PEBP4: variants seen among roughly 807,000 people sequenced by gnomAD.
PEBP4 encodes the protein phosphatidylethanolamine-binding protein 4.
A neutral mutation model predicts 23.9 loss-of-function variants in PEBP4; 22 were observed. That is an observed-to-expected ratio of 0.92 (90% CI 0.66 to 1.31). The LOEUF is 1.31. Among genes scored for constraint, PEBP4 ranks in the 40% most tolerant of loss-of-function variants. PEBP4 has a pLI of 0.00. For missense variants in PEBP4, 324 were observed against 281.7 expected (o/e 1.15, Z -1.07); for synonymous variants, 112 against 99.3 (o/e 1.13, Z -0.76).
chr8:22,720,516 C>T (rs925619528), intron 6 of PEBP4, among the ~76,000 whole-genome samples: 1 of 152,226 alleles, frequency 6.6e-6, no homozygotes, highest in Non-Finnish European at 1.5e-5. Context: ...CAAATGAAAT[C>T]TGCCTGGAAG....
intron 4 of PEBP4, among the ~76,000 whole-genome samples, chr8:22,754,019 G>T (rs1223379626): frequency 6.6e-6 from 1 of 152,190 alleles, no homozygotes; most frequent in African/African-American, 2.4e-5. Flanking sequence ...CTATAGAGCA[G>T]GAACGAGGGT....
intron 4 of PEBP4, among the ~76,000 whole-genome samples, chr8:22,728,294 TCTC>T (rs777723030): frequency 1.1e-4 from 16 of 152,110 alleles, no homozygotes; most frequent in Admixed American, 3.3e-4. Context: ...ACCCACCAGA[TCTC>T]CTACCTTTTA....
At chr8:22,773,432 G>C (rs527984616) in intron 4 of PEBP4, among the ~76,000 whole-genome samples, 15 of 152,292 alleles carry the variant, frequency 9.8e-5, no homozygotes, top group Non-Finnish European at 2.2e-4. Flanking sequence ...AGAAAGGCGG[G>C]GAGGGAGGCA....
intron 4 of PEBP4, among the ~76,000 whole-genome samples, chr8:22,749,293 CT>C (rs1805195108): frequency 6.6e-6 from 1 of 152,204 alleles, no homozygotes; most frequent in Admixed American, 6.5e-5. Flanking sequence ...GGCCTGGTTA[CT>C]TGGTGCTTCC....
At chr8:22,793,801 C>T (rs899976363) in intron 4 of PEBP4, among the ~76,000 whole-genome samples, 1 of 152,072 alleles carries the variant, frequency 6.6e-6, no homozygotes, top group Non-Finnish European at 1.5e-5. Context: ...ATTTAGTGTA[C>T]ATTTCTAGAA....
At position 22,927,707 on chromosome 8, in the gene PEBP4, C is replaced by T. The variant is rs1249532580; in HGVS notation, c.8G>A (p.Trp3Ter). 7 of 1,613,542 alleles carry T rather than the reference C, an allele frequency of 4.3e-6. No individual in the cohort carries two copies. The East Asian group carries it at 1.3e-4, about 31-fold the overall frequency. Residue 3 changes from tryptophan (W) to a stop codon, truncating the protein, a stop_gained, in exon 2 of 7, where the codon TGG becomes TAG. Coordinates refer to ENST00000256404, the MANE Select transcript of PEBP4 (RefSeq NM_144962.3). LOFTEE classifies it high-confidence loss of function. MG[W>*]TMRLVTAALL... ...TGCTGCTGTGACCAGCCTCATTGTC[C>T]AACCCATGGGCACCTGGAACAGAAA...
In PEBP4 at chr8:22,730,706, G is replaced by C. The variant is rs1341349509; in HGVS notation, c.358-3486C>G. On this transcript the variant is annotated intron_variant, in intron 4 of 6. Transcript: ENST00000256404. ...GGCTAGGAAAGTGCCCTGGGAGGAG[G>C]GGGTACCAGCCCAGCATTTGAGGAA... Among the ~76,000 whole-genome samples, 11 of 152,296 alleles carry C rather than the reference G, an allele frequency of 7.2e-5. 1 individual carries two copies. In the South Asian group the frequency reaches 2.3e-3, roughly 32 times the overall value.
At chr8:22,906,910 A>G (rs1808828471) in intron 3 of PEBP4, among the ~76,000 whole-genome samples, 1 of 152,196 alleles carries the variant, frequency 6.6e-6, no homozygotes, top group Non-Finnish European at 1.5e-5. Flanking sequence ...AGAAAAAATG[A>G]TATGTAAGTT....
At chr8:22,756,014 C>T (rs1025396870) in intron 4 of PEBP4, 13 of 152,184 alleles carry the variant, frequency 8.5e-5, no homozygotes, top group African/African-American at 2.7e-4. Flanking sequence ...TAAAGGTGCT[C>T]GCTAAATACT....
intron 4 of PEBP4, among the ~76,000 whole-genome samples, chr8:22,758,881 A>C (rs923138120): frequency 1.1e-4 from 17 of 152,246 alleles, no homozygotes; most frequent in Admixed American, 2.0e-4. Context: ...AGAGGCCCCC[A>C]GGCTGGGGTT....
At chr8:22,807,190 G>A (rs1806513792) in intron 4 of PEBP4, among the ~76,000 whole-genome samples, 1 of 152,190 alleles carries the variant, frequency 6.6e-6, no homozygotes, top group Admixed American at 6.5e-5. Flanking sequence ...TTAAAGCAAT[G>A]GCATGTTTGT....
chr8:22,722,217 G>GCTCC (rs1804533462), intron 6 of PEBP4, among the ~76,000 whole-genome samples: 1 of 151,512 alleles, frequency 6.6e-6, no homozygotes, highest in Non-Finnish European at 1.5e-5. Context: ...CCAACCCAGA[G>GCTCC]CTCCCTCTTC....
At chr8:22,800,828 G>A (rs1806365962) in intron 4 of PEBP4, among the ~76,000 whole-genome samples, 1 of 152,120 alleles carries the variant, frequency 6.6e-6, no homozygotes, top group Non-Finnish European at 1.5e-5. Flanking sequence ...AGATACTGTG[G>A]GAGAATGCCA....
intron 4 of PEBP4, among the ~76,000 whole-genome samples, chr8:22,733,690 G>T (rs996602359): frequency 6.6e-6 from 1 of 151,888 alleles, no homozygotes; most frequent in African/African-American, 2.4e-5. Flanking sequence ...CTTCCCATTT[G>T]CACAGGAGGA....
chr8:22,927,195 T>C (rs1809358054), intron 2 of PEBP4, among the ~76,000 whole-genome samples: 1 of 152,120 alleles, frequency 6.6e-6, no homozygotes, highest in African/African-American at 2.4e-5. Context: ...CTTCTTTCAT[T>C]CAAATGCCTC....
intron 3 of PEBP4, among the ~76,000 whole-genome samples, chr8:22,915,666 G>A (rs2128779813): frequency 6.6e-6 from 1 of 152,306 alleles, no homozygotes; most frequent in East Asian, 1.9e-4. Flanking sequence ...AGTCCCCTGA[G>A]CCAGTGGGCC....
At chr8:22,847,061 C>T (rs1330952627) in intron 3 of PEBP4, among the ~76,000 whole-genome samples, 1 of 152,166 alleles carries the variant, frequency 6.6e-6, no homozygotes, top group East Asian at 1.9e-4. Flanking sequence ...AGAGAAATCA[C>T]TTCCATCACT....
chr8:22,934,333 A>G (rs984341584), intron 1 of PEBP4, among the ~76,000 whole-genome samples: 1 of 152,244 alleles, frequency 6.6e-6, no homozygotes, highest in Non-Finnish European at 1.5e-5. Flanking sequence ...TGTATAAGTA[A>G]AATGTTTGTA....
At chr8:22,890,160 C>T (rs1553775) in intron 3 of PEBP4, among the ~76,000 whole-genome samples, 120,492 of 151,666 alleles carry the variant, frequency 0.79, 49,592 homozygotes, top group East Asian at 1. Flanking sequence ...GGGGACTCAG[C>T]AACAATTGCG....
Sources: allele counts gnomAD v4.1 joint callset (sites outside exome capture counted in the v4.1 genomes callset), GRCh38; gene constraint gnomAD v4.1.1; transcripts MANE v1.5; gene names NCBI Gene and HGNC (gene_info 2026-07-23, HGNC 2026-07-21).